FREM2: variants seen among roughly 807,000 people sequenced by gnomAD.
FREM2 encodes FRAS1-related extracellular matrix protein 2.
FREM2 carries 119 observed loss-of-function variants against 219.9 expected under a neutral mutation model. That is an observed-to-expected ratio of 0.54 (90% confidence interval 0.47 to 0.63). FREM2 has a LOEUF of 0.63. Among genes scored for constraint, FREM2 ranks in the 30% least tolerant of loss-of-function variants. The probability of loss-of-function intolerance (pLI) is 0.00; values close to 1 mark genes in which losing one functional copy is unlikely to be tolerated. For synonymous variants in FREM2, 1,562 were observed against 1,522.8 expected, an observed-to-expected ratio of 1.03 and a Z score of -0.60; for missense variants, 4,030 against 3,993.6, an observed-to-expected ratio of 1.01 and a Z score of -0.25.
chr13:38,799,343 CT>C (rs1352907938), intron 6 of FREM2, among the ~76,000 whole-genome samples: 3 of 151,470 alleles, frequency 2.0e-5, no homozygotes, highest in Non-Finnish European at 4.4e-5. Context: ...TAAAATTTTT[CT>C]TTTAAAAAAT....
chr13:38,832,422 AATGGGT>A (rs1879910541), intron 6 of FREM2, among the ~76,000 whole-genome samples: 1 of 152,190 alleles, frequency 6.6e-6, no homozygotes, highest in Non-Finnish European at 1.5e-5. Flanking sequence ...GAAAAAGTTA[AATGGGT>A]AGCAAATGAA....
chr13:38,691,980 A>G lies in FREM2; in HGVS notation c.4636A>G (p.Ser1546Gly), dbSNP rs137891381. The G allele has an allele frequency of 2.4e-5, 39 of 1,614,102 alleles. 1 individual carries two copies. The highest frequency in any genetic ancestry group is 3.3e-4 in the Middle Eastern group (2 of 6,084). Residue 1546 changes from serine to glycine, a missense_variant, in exon 1 of 24, where the codon AGT (serine) becomes GGT (glycine). This residue lies in a region of FREM2 where 3,102 missense variants were observed against 2,950.7 expected (regional missense o/e 1.05). Transcript: ENST00000280481. ...VTIHKLVVSE[S>G]ENKLITPFEL... ...CATCCACAAGCTGGTTGTCAGTGAA[A>G]GTGAAAACAAGCTGATTACTCCTTT...
At position 38,688,163 on chromosome 13, in the gene FREM2, C is replaced by A; in HGVS notation, c.819C>A (p.Arg273=). ...GVRYRHTAAS[R]SPNRDWIPMV... ...GCTATCGCCACACAGCCGCCAGTCGCTCACCAAACAGGGACTGGATACCCA... is the reference window on the plus strand; with the variant it reads ...GCTATCGCCACACAGCCGCCAGTCGATCACCAAACAGGGACTGGATACCCA... The change falls in exon 1 of 24, where the codon CGC becomes CGA. Residue 273 remains arginine, a synonymous_variant. Transcript: ENST00000280481. 1 of 1,613,586 alleles carries A rather than the reference C, an allele frequency of 6.2e-7. No homozygotes were observed. The highest frequency in any genetic ancestry group is 8.5e-7 in the Non-Finnish European group (1 of 1,179,820).
chr13:38,859,404 G>A lies in FREM2; in HGVS notation c.7333G>A (p.Gly2445Ser), dbSNP rs760298831. 12 of 1,614,036 alleles carry A rather than the reference G, an allele frequency of 7.4e-6. No homozygotes were observed. In the East Asian group the frequency reaches 1.3e-4, roughly 18 times the overall value. The stretch of plus-strand genomic sequence containing the variant: ...GATTAGTGCACCTGCGGGCCCTGAC[G>A]GTGTGACCAGCCCTATGAGAGAAGT... ...WLISAPAGPD[G>S]VTSPMREVDF... Residue 2445 changes from glycine (G) to serine (S), a missense_variant, in exon 14 of 24, where the codon GGT (glycine) becomes AGT (serine). By Grantham distance (56) the Gly-to-Ser change is moderately conservative. Transcript: ENST00000280481.
chr13:38,759,934 G>A (rs1873163203), intron 2 of FREM2, among the ~76,000 whole-genome samples: 1 of 152,154 alleles, frequency 6.6e-6, no homozygotes, highest in Non-Finnish European at 1.5e-5. Flanking sequence ...AATTATACAA[G>A]GTCACAGTTT....
chr13:38,821,630 T>G (rs987087517), intron 6 of FREM2: 1 of 152,126 alleles, frequency 6.6e-6, no homozygotes, highest in African/African-American at 2.4e-5. Context: ...CACACATTTA[T>G]TCATTTAAAA....
chr13:38,815,317 C>T (rs866880663), intron 6 of FREM2, among the ~76,000 whole-genome samples: 1 of 152,022 alleles, frequency 6.6e-6, no homozygotes, highest in African/African-American at 2.4e-5. Flanking sequence ...TTTGGTTTCT[C>T]TTACTAGAGA....
At position 38,692,093 on chromosome 13, in the gene FREM2, C is replaced by A; in HGVS notation, c.4749C>A (p.Phe1583Leu). ...TQVPIHGHLL[F>L]NNTRPVMVFT... ...TGCCTATTCATGGCCATCTCCTATT[C>A]AACAATACCAGACCTGTCATGGTTT... The change falls in exon 1 of 24, where the codon TTC becomes TTA. Residue 1583 changes from phenylalanine (F) to leucine (L), a missense_variant. By Grantham distance (22) the Phe-to-Leu change is conservative. Coordinates refer to ENST00000280481, the MANE Select transcript of FREM2 (RefSeq NM_207361.6). 1.2e-6 allele frequency: 2 copies of A among 1,614,138 alleles called. No individual in the cohort carries two copies. Among genetic ancestry groups the A allele is most frequent in the African/African-American group, 2.7e-5 (2 of 75,036 alleles).
At position 38,878,409 on chromosome 13, in the gene FREM2, G is replaced by A. The variant is rs1434907908; in HGVS notation, c.8859+88G>A. ...ATATTTAAAAACAAGGCTGGGCACA[G>A]TGGCCACACTATAGTCCCAGCACTT... is the stretch of plus-strand genomic sequence containing the variant. On this transcript the variant is annotated intron_variant, in intron 22 of 23. Transcript: ENST00000280481. 1.3e-5 allele frequency: 9 copies of A among 679,290 alleles called. No individual in the cohort carries two copies. In the African/African-American group the frequency reaches 1.4e-4, roughly 11 times the overall value. The allele number at this position is 679,290 out of a possible 1,614,324, so 42.1% of individuals were successfully genotyped here. A position where few individuals can be genotyped will look rare whatever the true frequency, so the allele number is the denominator to read the frequency against.
At chr13:38,731,651 C>G (rs1871771637) in intron 2 of FREM2, among the ~76,000 whole-genome samples, 1 of 152,132 alleles carries the variant, frequency 6.6e-6, no homozygotes, top group African/African-American at 2.4e-5. Context: ...AATCACAGAT[C>G]ATTATTAGTA....
chr13:38,770,772 C>G (rs2496402), intron 4 of FREM2, among the ~76,000 whole-genome samples: 13,301 of 150,580 alleles, frequency 0.088, 612 homozygotes, highest in South Asian at 0.18. Context: ...AAAAGTGAAC[C>G]TTAATGCTTT....
In FREM2 at chr13:38,882,434, C is replaced by A. The variant is rs1356897511; in HGVS notation, c.*1647C>A. 1 of 152,168 alleles carries A rather than the reference C, an allele frequency of 6.6e-6. No individual in the cohort carries two copies. The highest frequency in any genetic ancestry group is 1.5e-5 in the Non-Finnish European group (1 of 68,028). The allele number at this position is 152,168 out of a possible 1,614,324, so 9.4% of individuals were successfully genotyped here. On this transcript the variant is annotated 3_prime_UTR_variant, in exon 24 of 24. Transcript: ENST00000280481. Reference sequence around the variant, plus strand: ...CTGTAAGTATCAACCATTTCTTGATCAAGATAAGGAAGCAACACTGATACT... The same window carrying A: ...CTGTAAGTATCAACCATTTCTTGATAAAGATAAGGAAGCAACACTGATACT...
intron 2 of FREM2, among the ~76,000 whole-genome samples, chr13:38,758,195 TAGG>T (rs1016345231): frequency 6.6e-6 from 1 of 152,168 alleles, no homozygotes; most frequent in Admixed American, 6.5e-5. Context: ...ATCTCCTAAA[TAGG>T]AGGAGAAGGA....
At chr13:38,876,933 A>G (rs1015909269) in intron 20 of FREM2, among the ~76,000 whole-genome samples, 184 bp from the exon 21 acceptor site, 3 of 152,192 alleles carry the variant, frequency 2.0e-5, no homozygotes, top group Non-Finnish European at 4.4e-5. Context: ...TGATCCCACC[A>G]GTTTTGCCTT....
rs140850138 is a variant in FREM2, at chr13:38,791,754, C to G, written c.6019+6946C>G. On this transcript the variant is annotated intron_variant, in intron 6 of 23. Transcript: ENST00000280481. ...TTATTACAATTCAAGGTGAGATTTG[C>G]ATGGGGACACAGAGCCAAGCCATAT... is the stretch of plus-strand genomic sequence containing the variant. 8.7e-3 allele frequency among the ~76,000 whole-genome samples: 1,330 copies of G among 152,284 alleles called. 18 individuals are homozygous for G. Among genetic ancestry groups the G allele is most frequent in the African/African-American group, 0.03 (1,248 of 41,550 alleles).
intron 4 of FREM2, 34 bp downstream of exon 4, chr13:38,769,842 C>A: frequency 6.6e-7 from 1 of 1,512,764 alleles, no homozygotes; most frequent in Non-Finnish European, 9.2e-7. Flanking sequence ...TATGTTGTTG[C>A]TGTTGGGCTG....
At chr13:38,702,888 A>AT (rs907190101) in intron 2 of FREM2, among the ~76,000 whole-genome samples, 4 of 151,954 alleles carry the variant, frequency 2.6e-5, no homozygotes, top group Non-Finnish European at 1.5e-5. Flanking sequence ...ACAGCCAGAC[A>AT]TTTTTTTGCT....
intron 15 of FREM2, among the ~76,000 whole-genome samples, chr13:38,862,421 C>G (rs1672385525): frequency 6.6e-6 from 1 of 152,140 alleles, no homozygotes; most frequent in Admixed American, 6.5e-5. Flanking sequence ...ACTTGAGCTG[C>G]AAAGGGCTGA....
intron 6 of FREM2, among the ~76,000 whole-genome samples, chr13:38,837,884 G>T: frequency 6.6e-6 from 1 of 151,874 alleles, no homozygotes; most frequent in East Asian, 1.9e-4. Flanking sequence ...TCTGAATACA[G>T]CACACCGATG....
Sources: gnomAD v4.1 joint callset for allele counts (sites outside exome capture counted in the v4.1 genomes callset) on GRCh38, gnomAD v4.1.1 for gene constraint, gnomAD v4.1.1 regional missense constraint, MANE v1.5 for transcripts, NCBI Gene and HGNC (gene_info 2026-07-23, HGNC 2026-07-21) for gene names.